CSMD1: variants seen among roughly 807,000 people sequenced by gnomAD.
CSMD1 encodes the protein CUB and Sushi multiple domains 1.
CSMD1 carries 213 observed loss-of-function variants against 417.5 expected under a neutral mutation model. The ratio of observed to expected loss-of-function variants is 0.51; its 90% CI spans 0.46 to 0.57. The LOEUF (loss-of-function observed/expected upper bound fraction) is 0.57, where lower values mean the gene tolerates loss of function less well. CSMD1 is among the 20% of genes least tolerant of loss of function. The probability of loss-of-function intolerance (pLI) is 0.00; values close to 1 mark genes in which losing one functional copy is unlikely to be tolerated. For synonymous variants in CSMD1, 2,862 were observed against 1,736.8 expected (o/e 1.65, Z -16.11); for missense variants, 6,923 against 4,529.7 (o/e 1.53, Z -15.17).
chr8:4,170,954 T>TA (rs1359483079), intron 3 of CSMD1, among the ~76,000 whole-genome samples: 1 of 151,918 alleles, frequency 6.6e-6, no homozygotes, highest in African/African-American at 2.4e-5. Context: ...CAAATGTCAT[T>TA]ATCCCAGGGC....
intron 3 of CSMD1, among the ~76,000 whole-genome samples, chr8:4,125,887 G>T (rs986877639): frequency 6.6e-6 from 1 of 152,132 alleles, no homozygotes; most frequent in Non-Finnish European, 1.5e-5. Flanking sequence ...AGGACTTACG[G>T]TTTAGGAGAC....
chr8:3,701,705 T>A (rs761896016), intron 7 of CSMD1, among the ~76,000 whole-genome samples: 1 of 152,194 alleles, frequency 6.6e-6, no homozygotes, highest in Non-Finnish European at 1.5e-5. Flanking sequence ...TCAGGGTATT[T>A]ACAAAAGACA....
intron 2 of CSMD1, among the ~76,000 whole-genome samples, chr8:4,455,200 C>G (rs977849478): frequency 6.6e-5 from 10 of 152,052 alleles, no homozygotes; most frequent in Admixed American, 5.2e-4. Context: ...AGCTATGACT[C>G]TCTTTATCTT....
At chr8:3,997,094 T>C (rs1815277280) in intron 5 of CSMD1, among the ~76,000 whole-genome samples, 1 of 152,198 alleles carries the variant, frequency 6.6e-6, no homozygotes, top group Admixed American at 6.5e-5. Flanking sequence ...TATTTCAAGA[T>C]CTAAAACAGA....
chr8:4,142,895 C>T (rs35510694), intron 3 of CSMD1, among the ~76,000 whole-genome samples: 45,327 of 150,336 alleles, frequency 0.3, 8,478 homozygotes, highest in Non-Finnish European at 0.39. Flanking sequence ...GCTGACAACA[C>T]AATAGGAGAA....
chr8:4,164,674 T>C (rs1797353784), intron 3 of CSMD1, among the ~76,000 whole-genome samples: 1 of 152,108 alleles, frequency 6.6e-6, no homozygotes, highest in Non-Finnish European at 1.5e-5. Flanking sequence ...ATTTTGAGAA[T>C]ATAAGATTTT....
chr8:3,856,364 C>T (rs1286654669), intron 5 of CSMD1, among the ~76,000 whole-genome samples: 5 of 152,270 alleles, frequency 3.3e-5, no homozygotes, highest in African/African-American at 9.6e-5. Flanking sequence ...CCCGCAGAAC[C>T]GTGAGCCAAT....
At chr8:3,692,554 C>A (rs1431686953) in intron 7 of CSMD1, among the ~76,000 whole-genome samples, 3 of 152,100 alleles carry the variant, frequency 2.0e-5, no homozygotes, top group African/African-American at 7.2e-5. Flanking sequence ...CCTGCCTCAG[C>A]CTCCCGAGCA....
chr8:3,987,613 G>C (rs1306249474), intron 5 of CSMD1, among the ~76,000 whole-genome samples: 2 of 152,188 alleles, frequency 1.3e-5, no homozygotes, highest in Non-Finnish European at 1.5e-5. Flanking sequence ...GGCCAATTCT[G>C]AGAACTGTGA....
rs1272143709 is a variant in CSMD1, at chr8:4,278,397, G to C, written c.415+141556C>G. On this transcript the variant is annotated intron_variant, in intron 3 of 69. Coordinates refer to ENST00000635120, the MANE Select transcript of CSMD1 (RefSeq NM_033225.6). ...TAAAATTATCAGCTATACAGAATAT[G>C]AATACATATTGAGCCACATGATACA... Among the ~76,000 whole-genome samples the C allele has an allele frequency of 5.9e-5, 9 of 152,130 alleles. No homozygotes were observed. The East Asian group carries it at 1.4e-3, about 23-fold the overall frequency.
chr8:3,944,471 A>C (rs140696622), intron 5 of CSMD1, among the ~76,000 whole-genome samples: 2 of 152,002 alleles, frequency 1.3e-5, no homozygotes, highest in African/African-American at 4.8e-5. Flanking sequence ...TTTTTCCCTG[A>C]AAGTTTTGAT....
chr8:4,103,091 A>T (rs1801388845), intron 3 of CSMD1, among the ~76,000 whole-genome samples: 1 of 152,158 alleles, frequency 6.6e-6, no homozygotes, highest in South Asian at 2.1e-4. Context: ...AGCTCCAGAC[A>T]GTTCTATAAA....
chr8:3,155,394 A>T (rs1819462588), intron 39 of CSMD1, among the ~76,000 whole-genome samples: 1 of 14,046 alleles, frequency 7.1e-5, no homozygotes, highest in Admixed American at 1.3e-3. Context: ...TTGAGACAGA[A>T]TCTCGCTCTG....
At chr8:4,139,745 G>T (rs910705281) in intron 3 of CSMD1, among the ~76,000 whole-genome samples, 6 of 151,166 alleles carry the variant, frequency 4.0e-5, no homozygotes, top group Admixed American at 6.6e-5. Flanking sequence ...TGAGTACAAA[G>T]AACCCAGCAG....
At chr8:4,382,755 T>C (rs1202410340) in intron 3 of CSMD1, among the ~76,000 whole-genome samples, 2 of 152,240 alleles carry the variant, frequency 1.3e-5, no homozygotes, top group Admixed American at 6.5e-5. Flanking sequence ...ATAAACATTC[T>C]GTGTCTAAAA....
chr8:4,013,058 C>T (rs1021028906), intron 4 of CSMD1, among the ~76,000 whole-genome samples: 4 of 152,080 alleles, frequency 2.6e-5, no homozygotes, highest in African/African-American at 2.4e-5. Context: ...AGCTTATGTT[C>T]TTTTCTCATA....
chr8:4,434,609 A>G (rs565542723), intron 2 of CSMD1, among the ~76,000 whole-genome samples: 1 of 152,326 alleles, frequency 6.6e-6, no homozygotes, highest in Admixed American at 6.5e-5. Context: ...CTAATCCAAA[A>G]TTTCCACCCA....
At chr8:4,984,129 G>A (rs1811050333) in intron 1 of CSMD1, among the ~76,000 whole-genome samples, 1 of 152,176 alleles carries the variant, frequency 6.6e-6, no homozygotes, top group South Asian at 2.1e-4. Context: ...ATCAAAAACT[G>A]CTTTTCTTTC....
chr8:4,442,085 T>G (rs1798517030), intron 2 of CSMD1, among the ~76,000 whole-genome samples: 1 of 152,156 alleles, frequency 6.6e-6, no homozygotes, highest in African/African-American at 2.4e-5. Flanking sequence ...GTTTGAGTTG[T>G]AGAAACACGT....
Sources: allele counts gnomAD v4.1 joint callset (sites outside exome capture counted in the v4.1 genomes callset), GRCh38; gene constraint gnomAD v4.1.1; transcripts MANE v1.5; gene names NCBI Gene and HGNC (gene_info 2026-07-23, HGNC 2026-07-21).